The following TLK1 variants were observed in gnomAD, a reference collection of about 807,000 sequenced individuals.
TLK1 encodes the protein tousled like kinase 1.
TLK1 carries 24 observed loss-of-function variants against 105.3 expected under a neutral mutation model. The ratio of observed to expected loss-of-function variants is 0.23; its 90% confidence interval spans 0.17 to 0.32. The LOEUF (loss-of-function observed/expected upper bound fraction) is 0.32, where lower values mean the gene tolerates loss of function less well. Ranked by LOEUF, TLK1 falls within the 10% of genes least tolerant of loss-of-function variation. The probability of loss-of-function intolerance (pLI) is 1.00; values close to 1 mark genes in which losing one functional copy is unlikely to be tolerated. For missense variants in TLK1, 558 were observed against 910.5 expected (o/e 0.61, Z 4.98); for synonymous variants, 321 against 310.4 (o/e 1.03, Z -0.36).
At chr2:171,196,078 A>C (rs1315820022) in intron 1 of TLK1, among the ~76,000 whole-genome samples, 2 of 146,546 alleles carry the variant, frequency 1.4e-5, no homozygotes, top group Non-Finnish European at 3.0e-5. Flanking sequence ...GAAGGAAGGA[A>C]GGAGGAAAGG....
chr2:171,148,396 C>T (rs1691879674), intron 1 of TLK1, among the ~76,000 whole-genome samples: 1 of 150,688 alleles, frequency 6.6e-6, no homozygotes, highest in African/African-American at 2.4e-5. Flanking sequence ...TTTTTTCAAT[C>T]ACTTCTCATC....
intron 7 of TLK1, 179 bp downstream of exon 7, chr2:171,054,904 G>C (rs1687422894): frequency 5.2e-6 from 2 of 383,650 alleles, no homozygotes; most frequent in Non-Finnish European, 9.5e-6. Flanking sequence ...AGTAAATTGT[G>C]TGTTTCAGTT....
At chr2:171,044,766 G>A (rs1462206643) in intron 11 of TLK1, among the ~76,000 whole-genome samples, 1 of 152,190 alleles carries the variant, frequency 6.6e-6, no homozygotes, top group East Asian at 1.9e-4. Flanking sequence ...GCAGCCGGAT[G>A]AGTTAAAATG....
intron 18 of TLK1, among the ~76,000 whole-genome samples, chr2:170,999,621 A>G (rs570125214): frequency 2.6e-5 from 4 of 152,360 alleles, no homozygotes; most frequent in African/African-American, 9.6e-5. Flanking sequence ...AAGGTAATTT[A>G]TAAGAGCAAT....
chr2:171,223,854 T>C (rs945179371), intron 1 of TLK1, among the ~76,000 whole-genome samples: 1 of 152,034 alleles, frequency 6.6e-6, no homozygotes, highest in Non-Finnish European at 1.5e-5. Flanking sequence ...ATTCTGGTTA[T>C]TCATCGCTTG....
intron 1 of TLK1, among the ~76,000 whole-genome samples, chr2:171,175,345 T>C (rs1692801381): frequency 1.3e-5 from 2 of 152,232 alleles, no homozygotes; most frequent in Admixed American, 6.5e-5. Flanking sequence ...CATTCTATGC[T>C]GAACATGTAC....
intron 11 of TLK1, among the ~76,000 whole-genome samples, chr2:171,035,142 AC>A (rs201750073): frequency 0.026 from 3,924 of 152,218 alleles, 141 homozygotes; most frequent in African/African-American, 0.081. Context: ...GGAGTTCCAG[AC>A]CAACCTGCCC....
intron 2 of TLK1, among the ~76,000 whole-genome samples, chr2:171,092,395 G>A (rs1385004304): frequency 1.3e-5 from 2 of 152,190 alleles, no homozygotes. Flanking sequence ...GACAGACTAA[G>A]TTTTGGTTAC....
chr2:171,168,396 A>G (rs912543460), intron 1 of TLK1, among the ~76,000 whole-genome samples: 3 of 152,232 alleles, frequency 2.0e-5, no homozygotes, highest in Admixed American at 6.5e-5. Flanking sequence ...AAAAAAATAA[A>G]CAGTCAAAAT....
chr2:171,082,749 A>G (rs747938453), intron 3 of TLK1, 32 bp downstream of exon 3: 3 of 1,492,178 alleles, frequency 2.0e-6, no homozygotes, highest in Non-Finnish European at 2.8e-6. Context: ...CTTTTACTTT[A>G]ATAGCACCAT....
intron 12 of TLK1, among the ~76,000 whole-genome samples, chr2:171,022,199 G>T (rs1010317319): frequency 5.3e-5 from 8 of 150,758 alleles, no homozygotes; most frequent in African/African-American, 1.7e-4. Flanking sequence ...CCAAGTTAAG[G>T]TTGTGTGATT....
chr2:171,151,403 G>A (rs984167795), intron 1 of TLK1, among the ~76,000 whole-genome samples: 2 of 151,482 alleles, frequency 1.3e-5, no homozygotes, highest in African/African-American at 2.4e-5. Flanking sequence ...GTGATTGTTA[G>A]GAGAAGCAAA....
intron 14 of TLK1, among the ~76,000 whole-genome samples, chr2:171,009,129 C>T (rs1296943042): frequency 6.6e-6 from 1 of 151,908 alleles, no homozygotes; most frequent in African/African-American, 2.4e-5. Flanking sequence ...AGGTGAGGAC[C>T]CTGACGTGTA....
chr2:171,020,831 G>A (rs1190394556), intron 12 of TLK1, among the ~76,000 whole-genome samples: 1 of 148,618 alleles, frequency 6.7e-6, no homozygotes, highest in Non-Finnish European at 1.5e-5. Context: ...GTGTAGATTG[G>A]GGAGAAGGGT....
At chr2:171,195,501 CAAAA>C (rs55835853) in intron 1 of TLK1, among the ~76,000 whole-genome samples, 1 of 66,306 alleles carries the variant, frequency 1.5e-5, no homozygotes, top group Non-Finnish European at 3.1e-5. Context: ...GACTCTGTCT[CAAAA>C]AAAAAAAAAA....
chr2:171,045,999 G>A (rs546289953), intron 11 of TLK1, 175 bp downstream of exon 11: 18 of 507,344 alleles, frequency 3.5e-5, no homozygotes, highest in Middle Eastern at 5.4e-4. Context: ...TGCTTAAAAC[G>A]GTAGAATTCA....
In TLK1 at chr2:171,006,678, T is replaced by G. The variant is rs569762034; in HGVS notation, c.1599-35A>C. 1.9e-6 allele frequency: 3 copies of G among 1,608,408 alleles called. No homozygotes were observed. In the South Asian group the frequency reaches 3.3e-5, roughly 18 times the overall value. On this transcript the variant is annotated intron_variant, in intron 16 of 20. Transcript: ENST00000431350. The stretch of plus-strand genomic sequence containing the variant: ...AGAAGAGAAAAAAATTAGACATAAG[T>G]AATATCCAAGAATTCAGAATCACAA...
At chr2:171,011,208 C>T (rs1684900542) in intron 14 of TLK1, among the ~76,000 whole-genome samples, 165 bp downstream of exon 14, 1 of 151,886 alleles carries the variant, frequency 6.6e-6, no homozygotes, top group South Asian at 2.1e-4. Flanking sequence ...ACTATGTTGC[C>T]CAGGTTGGTC....
chr2:171,048,332 T>C (rs1219789463), intron 10 of TLK1, among the ~76,000 whole-genome samples: 1 of 152,204 alleles, frequency 6.6e-6, no homozygotes, highest in Non-Finnish European at 1.5e-5. Flanking sequence ...TATATAACTG[T>C]CTCTTTTATT....
Sources: gnomAD v4.1 joint callset for allele counts (sites outside exome capture counted in the v4.1 genomes callset) on GRCh38, gnomAD v4.1.1 for gene constraint, MANE v1.5 for transcripts, NCBI Gene and HGNC (gene_info 2026-07-23, HGNC 2026-07-21) for gene names.